VDAC1: variants seen among roughly 807,000 people sequenced by gnomAD.
VDAC1 encodes non-selective voltage-gated ion channel VDAC1.
In VDAC1, 10 loss-of-function variants were observed where a neutral mutation model predicts 34.7. The ratio of observed to expected loss-of-function variants is 0.29; its 90% CI spans 0.18 to 0.49. The LOEUF is 0.49. Among genes scored for constraint, VDAC1 ranks in the 20% least tolerant of loss-of-function variants. VDAC1 has a pLI of 0.99. For missense variants in VDAC1, 230 were observed against 347.9 expected, an observed-to-expected ratio of 0.66 and a Z score of 2.69; for synonymous variants, 130 against 136.0, an observed-to-expected ratio of 0.96 and a Z score of 0.30.
At chr5:134,023,978 CAA>C in the VDAC1 span, among the ~76,000 whole-genome samples, 17 of 119,668 alleles carry the variant, frequency 1.4e-4, no homozygotes, top group South Asian at 5.1e-4. Context: ...ACTAAAAATA[CAA>C]AAAAAAAAAA....
the VDAC1 span, among the ~76,000 whole-genome samples, chr5:134,042,644 C>T: frequency 6.6e-6 from 1 of 152,200 alleles, no homozygotes; most frequent in Non-Finnish European, 1.5e-5. Flanking sequence ...CAGGCATGCA[C>T]TACTGTGCCT....
At chr5:133,998,403 G>GT (rs1386365290) in intron 1 of VDAC1, among the ~76,000 whole-genome samples, 1 of 152,208 alleles carries the variant, frequency 6.6e-6, no homozygotes, top group African/African-American at 2.4e-5. Flanking sequence ...GGGCGTGGTG[G>GT]TAAGTGCCTG....
chr5:134,095,045 T>G, the VDAC1 span, among the ~76,000 whole-genome samples: 1 of 150,378 alleles, frequency 6.6e-6, no homozygotes, highest in African/African-American at 2.5e-5. Context: ...CAAGGGGAAC[T>G]CCACAAAATG....
chr5:134,067,673 G>A, the VDAC1 span, among the ~76,000 whole-genome samples: 5 of 142,478 alleles, frequency 3.5e-5, no homozygotes, highest in African/African-American at 5.2e-5. Context: ...GGGGGAGGGC[G>A]AGGGAGGAGA....
intron 5 of VDAC1, among the ~76,000 whole-genome samples, chr5:133,982,212 G>A (rs957154332): frequency 2.0e-5 from 3 of 152,134 alleles, no homozygotes; most frequent in African/African-American, 7.2e-5. Flanking sequence ...GTTTATTCTA[G>A]GCATTATAAT....
chr5:134,033,072 G>GAGGAA, the VDAC1 span, among the ~76,000 whole-genome samples: 1 of 150,844 alleles, frequency 6.6e-6, no homozygotes, highest in Non-Finnish European at 1.5e-5. Flanking sequence ...GAGGAGAGGA[G>GAGGAA]AGGAAACGAG....
intron 1 of VDAC1, among the ~76,000 whole-genome samples, chr5:133,993,307 T>C (rs6897409): frequency 0.1 from 15,442 of 152,126 alleles, 911 homozygotes; most frequent in South Asian, 0.21. Flanking sequence ...AGAGTAGGAG[T>C]CAGGAAATAT....
chr5:133,995,987 A>C (rs1753288065), intron 1 of VDAC1, among the ~76,000 whole-genome samples: 1 of 151,964 alleles, frequency 6.6e-6, no homozygotes, highest in South Asian at 2.1e-4. Context: ...TTAGCTACTG[A>C]TACACAGCTG....
At chr5:134,107,675 C>A in the VDAC1 span, among the ~76,000 whole-genome samples, 1 of 152,228 alleles carries the variant, frequency 6.6e-6, no homozygotes, top group African/African-American at 2.4e-5. Context: ...ACAGATGCTA[C>A]GCACCATGAC....
intron 5 of VDAC1, 67 bp downstream of exon 5, chr5:133,990,788 A>C (rs1753075711): frequency 1.3e-6 from 2 of 1,503,240 alleles, no homozygotes; most frequent in African/African-American, 2.8e-5. Flanking sequence ...ACATTTTGTC[A>C]CAAAGGGCTT....
upstream of VDAC1, chr5:134,005,160 CCTGCTTGGCCTCCGCG>C (rs1451673764): frequency 1.3e-5 from 2 of 152,162 alleles, no homozygotes; most frequent in African/African-American, 4.8e-5. Flanking sequence ...TCCTGGGCCT[CCTGCTTGGCCTCCGCG>C]CTGCTAGATC....
At chr5:134,056,835 A>G in the VDAC1 span, among the ~76,000 whole-genome samples, 1 of 151,986 alleles carries the variant, frequency 6.6e-6, no homozygotes, top group African/African-American at 2.4e-5. Flanking sequence ...ACAGGCATGC[A>G]CCACCACGCC....
intron 7 of VDAC1, among the ~76,000 whole-genome samples, chr5:133,975,035 G>C (rs1422575553): frequency 2.0e-5 from 3 of 152,132 alleles, no homozygotes; most frequent in Non-Finnish European, 4.4e-5. Flanking sequence ...GGGAGGTTGA[G>C]GTGGGAGGAC....
the VDAC1 span, among the ~76,000 whole-genome samples, chr5:134,074,501 G>A: frequency 0.51 from 77,558 of 151,464 alleles, 20,122 homozygotes; most frequent in Middle Eastern, 0.56. Context: ...TTACCAATGC[G>A]AGATCACCCC....
chr5:133,984,985 C>G (rs771822708), intron 5 of VDAC1, among the ~76,000 whole-genome samples: 11 of 152,068 alleles, frequency 7.2e-5, no homozygotes, highest in Non-Finnish European at 1.6e-4. Context: ...ATCTAACCTC[C>G]CTTTGGTCAC....
chr5:134,041,351 A>G, the VDAC1 span, among the ~76,000 whole-genome samples: 7 of 152,228 alleles, frequency 4.6e-5, no homozygotes, highest in Non-Finnish European at 8.8e-5. Flanking sequence ...GAGGGGCCAC[A>G]GGCCCAGGAG....
At chr5:134,112,614 C>T in the VDAC1 span, among the ~76,000 whole-genome samples, 5 of 152,058 alleles carry the variant, frequency 3.3e-5, no homozygotes, top group East Asian at 9.7e-4. Context: ...GGGGAGTTAA[C>T]AGATGGGGAA....
chr5:133,978,180 T>TC (rs397693068), intron 6 of VDAC1, among the ~76,000 whole-genome samples: 9 of 151,966 alleles, frequency 5.9e-5, no homozygotes, highest in East Asian at 5.8e-4. Flanking sequence ...TTTTTTTTTT[T>TC]CCCCAAGATG....
the VDAC1 span, among the ~76,000 whole-genome samples, chr5:134,033,793 C>G: frequency 5.5e-4 from 83 of 151,902 alleles, no homozygotes; most frequent in Middle Eastern, 3.4e-3. Context: ...CAGATCGAGA[C>G]CATCCTGGCT....
Sources: allele counts gnomAD v4.1 joint callset (sites outside exome capture counted in the v4.1 genomes callset), GRCh38; gene constraint gnomAD v4.1.1; transcripts MANE v1.5; gene names NCBI Gene and HGNC (gene_info 2026-07-23, HGNC 2026-07-21).